HELZ: variants seen among roughly 807,000 people sequenced by gnomAD.
The protein encoded by HELZ is ATP-dependent RNA helicase with zinc finger domain.
In HELZ, 23 loss-of-function variants were observed where a neutral mutation model predicts 218.2. The observed-to-expected ratio is 0.11, with a 90% CI of 0.08 to 0.15. HELZ has a LOEUF of 0.15. HELZ is among the 10% of genes least tolerant of loss of function. HELZ has a pLI of 1.00. For missense variants in HELZ, 1,813 were observed against 2,353.7 expected (o/e 0.77, Z 4.75); for synonymous variants, 814 against 829.4 (o/e 0.98, Z 0.32).
At chr17:67,136,694 G>C (rs1364407272) in intron 22 of HELZ, among the ~76,000 whole-genome samples, 1 of 152,096 alleles carries the variant, frequency 6.6e-6, no homozygotes, top group African/African-American at 2.4e-5. Context: ...AAACCAGTCA[G>C]GAAAGGACAA....
At chr17:67,159,333 T>C (rs902574804) in intron 17 of HELZ, among the ~76,000 whole-genome samples, 3 of 152,124 alleles carry the variant, frequency 2.0e-5, no homozygotes, top group Non-Finnish European at 2.9e-5. Flanking sequence ...GTCACACCAC[T>C]TTTTTCCTCT....
intron 12 of HELZ, among the ~76,000 whole-genome samples, chr17:67,180,850 C>A (rs1054045767): frequency 4.8e-5 from 7 of 147,326 alleles, no homozygotes; most frequent in African/African-American, 1.8e-4. Context: ...TGCACTCCAG[C>A]CTGGGCGACA....
intron 24 of HELZ, among the ~76,000 whole-genome samples, chr17:67,128,179 AG>A (rs1205692670): frequency 6.6e-6 from 1 of 152,236 alleles, no homozygotes; most frequent in East Asian, 1.9e-4. Flanking sequence ...TCAAGAAGTC[AG>A]CCAAATTTTT....
intron 17 of HELZ, among the ~76,000 whole-genome samples, chr17:67,159,856 T>TC (rs1567851523): frequency 6.6e-6 from 1 of 152,210 alleles, no homozygotes. Context: ...ACCTGCATGA[T>TC]CACAGCCAAA....
intron 32 of HELZ, among the ~76,000 whole-genome samples, chr17:67,084,675 AAAG>A (rs1278443403): frequency 6.6e-6 from 1 of 151,792 alleles, no homozygotes; most frequent in Non-Finnish European, 1.5e-5. Context: ...AAAAAAAAAA[AAAG>A]AAAGAAAAAG....
chr17:67,148,754 T>C (rs1000142943), intron 19 of HELZ, 40 bp from the exon 20 acceptor site: 2 of 1,547,018 alleles, frequency 1.3e-6, no homozygotes, highest in Admixed American at 2.1e-5. Context: ...TAACTGAACA[T>C]ACAAATAGTA....
intron 27 of HELZ, among the ~76,000 whole-genome samples, chr17:67,118,830 G>C (rs2037510091): frequency 6.6e-6 from 1 of 151,518 alleles, no homozygotes; most frequent in African/African-American, 2.4e-5. Flanking sequence ...ATAAAAAAGT[G>C]GGCAATAGAT....
chr17:67,181,267 G>A (rs2039604815), intron 12 of HELZ, among the ~76,000 whole-genome samples: 1 of 152,110 alleles, frequency 6.6e-6, no homozygotes, highest in African/African-American at 2.4e-5. Flanking sequence ...ATTCCTAACT[G>A]ATGTTTAAGT....
intron 22 of HELZ, among the ~76,000 whole-genome samples, chr17:67,136,460 G>T (rs1225130577): frequency 1.3e-5 from 2 of 152,238 alleles, no homozygotes; most frequent in East Asian, 1.9e-4. Flanking sequence ...ATACTCAAAA[G>T]AACTGAAAGG....
At chr17:67,122,272 G>C (rs1567818259) in intron 26 of HELZ, among the ~76,000 whole-genome samples, 1 of 152,044 alleles carries the variant, frequency 6.6e-6, no homozygotes. Context: ...ATGGCCAGGT[G>C]CAGTGGCTCA....
chr17:67,237,042 A>G (rs1293874007), intron 3 of HELZ, among the ~76,000 whole-genome samples: 3 of 152,206 alleles, frequency 2.0e-5, no homozygotes, highest in African/African-American at 7.2e-5. Flanking sequence ...GCGAACACTC[A>G]AGAAACAAAG....
intron 4 of HELZ, 56 bp downstream of exon 4, chr17:67,218,539 A>G (rs1290163721): frequency 3.0e-6 from 4 of 1,341,270 alleles, no homozygotes; most frequent in Admixed American, 1.7e-5. Context: ...TCACCCCTCA[A>G]TGAAAAAGGC....
At chr17:67,132,367 T>A (rs1397645477) in intron 23 of HELZ, among the ~76,000 whole-genome samples, 1 of 152,152 alleles carries the variant, frequency 6.6e-6, no homozygotes, top group Non-Finnish European at 1.5e-5. Context: ...ACGCCTTGGT[T>A]TGAAAAAAGG....
chr17:67,087,310 G>A (rs1288350524), intron 31 of HELZ, among the ~76,000 whole-genome samples: 1 of 152,160 alleles, frequency 6.6e-6, no homozygotes, highest in Non-Finnish European at 1.5e-5. Flanking sequence ...AAACTCAGTT[G>A]TGTTCCTCAC....
intron 13 of HELZ, among the ~76,000 whole-genome samples, chr17:67,170,216 T>C (rs2039267280): frequency 1.3e-5 from 2 of 152,210 alleles, no homozygotes; most frequent in Admixed American, 6.5e-5. Flanking sequence ...CATTAAGCAC[T>C]GTCCTAGTGG....
chr17:67,169,701 CT>C (rs151241412), intron 13 of HELZ, among the ~76,000 whole-genome samples: 13,227 of 152,178 alleles, frequency 0.087, 1,500 homozygotes, highest in African/African-American at 0.26. Flanking sequence ...CCAATAGCCC[CT>C]AAAAGTTTTA....
chr17:67,223,988 T>C (rs1401897957), intron 3 of HELZ, among the ~76,000 whole-genome samples: 1 of 152,150 alleles, frequency 6.6e-6, no homozygotes, highest in Non-Finnish European at 1.5e-5. Flanking sequence ...CAAATACCCA[T>C]TCCCTTCCCT....
intron 17 of HELZ, among the ~76,000 whole-genome samples, chr17:67,152,767 T>A (rs1377561445): frequency 2.4e-4 from 30 of 124,844 alleles, no homozygotes; most frequent in South Asian, 1.9e-3. Flanking sequence ...AGAGTAGATT[T>A]AAAAAAAAAA....
chr17:67,146,433 C>T (rs982154567), intron 20 of HELZ, among the ~76,000 whole-genome samples: 4 of 152,196 alleles, frequency 2.6e-5, no homozygotes, highest in Non-Finnish European at 4.4e-5. Context: ...AGGCCATTTA[C>T]ACCATATAAC....
Sources: allele counts gnomAD v4.1 joint callset (sites outside exome capture counted in the v4.1 genomes callset), GRCh38; gene constraint gnomAD v4.1.1; transcripts MANE v1.5; gene names NCBI Gene and HGNC (gene_info 2026-07-23, HGNC 2026-07-21).